Variants in ITFG1 observed in about 807,000 individuals in gnomAD.
ITFG1 encodes integrin alpha FG-GAP repeat containing 1.
Under a neutral mutation model 81.8 loss-of-function variants are expected in ITFG1, and 34 were observed. That is an observed-to-expected ratio of 0.42 (90% CI 0.32 to 0.55). The LOEUF (loss-of-function observed/expected upper bound fraction) is 0.55. Among genes scored for constraint, ITFG1 ranks in the 20% least tolerant of loss-of-function variants. The pLI is 0.17. For synonymous variants in ITFG1, 285 were observed against 270.6 expected (o/e 1.05, Z -0.52); for missense variants, 672 against 755.4 (o/e 0.89, Z 1.29).
chr16:47,222,416 T>TC (rs1965703732), intron 13 of ITFG1, among the ~76,000 whole-genome samples: 1 of 148,020 alleles, frequency 6.8e-6, no homozygotes, highest in East Asian at 1.9e-4. Context: ...TTTCTTTCTT[T>TC]TTTTTTTTTT....
At chr16:47,273,031 G>C (rs1445895949) in intron 10 of ITFG1, among the ~76,000 whole-genome samples, 1 of 150,988 alleles carries the variant, frequency 6.6e-6, no homozygotes, top group Admixed American at 6.6e-5. Context: ...TGTGCTGTAA[G>C]CAACTGTCTT....
chr16:47,267,324 A>G (rs1326396145), intron 10 of ITFG1, among the ~76,000 whole-genome samples: 1 of 152,234 alleles, frequency 6.6e-6, no homozygotes, highest in Non-Finnish European at 1.5e-5. Flanking sequence ...ACCAGAACAA[A>G]GAGAGTCATT....
intron 6 of ITFG1, among the ~76,000 whole-genome samples, chr16:47,408,074 A>C (rs761639535): frequency 2.6e-5 from 4 of 152,204 alleles, no homozygotes; most frequent in Non-Finnish European, 4.4e-5. Context: ...TTAAAAATCA[A>C]GTTTAAAATT....
intron 8 of ITFG1, among the ~76,000 whole-genome samples, chr16:47,346,044 T>A (rs1967850247): frequency 6.6e-6 from 1 of 152,176 alleles, no homozygotes; most frequent in South Asian, 2.1e-4. Context: ...TACAGAACTT[T>A]CCATCCAATG....
intron 10 of ITFG1, among the ~76,000 whole-genome samples, chr16:47,290,987 T>G (rs1427846202): frequency 7.1e-6 from 1 of 140,436 alleles, no homozygotes; most frequent in Non-Finnish European, 1.5e-5. Flanking sequence ...ATTATCTTTC[T>G]CATGTTTTCA....
At chr16:47,422,603 T>G (rs1968965370) in intron 6 of ITFG1, among the ~76,000 whole-genome samples, 1 of 152,202 alleles carries the variant, frequency 6.6e-6, no homozygotes. Flanking sequence ...AGAATTCGGC[T>G]GTGAGTCCGT....
chr16:47,394,579 A>G (rs766155783), intron 6 of ITFG1, among the ~76,000 whole-genome samples: 4 of 152,110 alleles, frequency 2.6e-5, no homozygotes, highest in Non-Finnish European at 5.9e-5. Context: ...AGAAAGGCCA[A>G]GTTTTCATTA....
intron 10 of ITFG1, among the ~76,000 whole-genome samples, chr16:47,265,103 C>CTATTATTATTAT (rs140472658): frequency 6.7e-6 from 1 of 150,080 alleles, no homozygotes; most frequent in African/African-American, 2.4e-5. Flanking sequence ...TTAATAACTG[C>CTATTATTATTAT]TATTATTATT....
intron 2 of ITFG1, among the ~76,000 whole-genome samples, chr16:47,457,292 C>A (rs528513545): frequency 1.4e-5 from 2 of 144,070 alleles, no homozygotes; most frequent in Non-Finnish European, 1.5e-5. Flanking sequence ...GCCTGGGCAA[C>A]AGAGTGAGAC....
rs145667515 is a variant in ITFG1 at position 47,237,261 on chromosome 16, G to C, written c.1374+704C>G. On this transcript the variant is annotated intron_variant, in intron 13 of 17. Coordinates refer to ENST00000320640, the MANE Select transcript of ITFG1 (RefSeq NM_030790.5). ...TGTTAAGAAAATGAGACAATAATGAGAACACCTAGTTTGTATTGCAGTTCC... is the reference window on the plus strand; with the variant it reads ...TGTTAAGAAAATGAGACAATAATGACAACACCTAGTTTGTATTGCAGTTCC... Among the ~76,000 whole-genome samples, 413 of 152,270 alleles carry C rather than the reference G, an allele frequency of 2.7e-3. 2 individuals are homozygous for C. The highest frequency in any genetic ancestry group is 4.3e-3 in the Non-Finnish European group (294 of 68,012).
At chr16:47,160,519 A>C (rs1297903106) in intron 16 of ITFG1, among the ~76,000 whole-genome samples, 1 of 152,162 alleles carries the variant, frequency 6.6e-6, no homozygotes, top group Admixed American at 6.6e-5. Flanking sequence ...CTCATGGTCC[A>C]GATTTTCTAG....
intron 6 of ITFG1, among the ~76,000 whole-genome samples, chr16:47,413,441 TC>T (rs1437527021): frequency 6.6e-6 from 1 of 152,182 alleles, no homozygotes; most frequent in East Asian, 1.9e-4. Flanking sequence ...ACACCTGTAA[TC>T]CTAGCACTTT....
intron 5 of ITFG1, among the ~76,000 whole-genome samples, chr16:47,436,666 G>A (rs1413947260): frequency 6.6e-6 from 1 of 152,042 alleles, no homozygotes; most frequent in Non-Finnish European, 1.5e-5. Context: ...GTTTATTACA[G>A]CAAGGATTCT....
At chr16:47,428,417 T>C (rs1969050897) in intron 6 of ITFG1, among the ~76,000 whole-genome samples, 1 of 152,158 alleles carries the variant, frequency 6.6e-6, no homozygotes. Flanking sequence ...TGATAACAAG[T>C]TTTAAAAGCC....
chr16:47,358,712 C>T (rs184976302), intron 8 of ITFG1, among the ~76,000 whole-genome samples: 18 of 152,130 alleles, frequency 1.2e-4, no homozygotes, highest in Non-Finnish European at 2.4e-4. Context: ...TTGAAATTTT[C>T]AATGTTAATA....
intron 6 of ITFG1, among the ~76,000 whole-genome samples, chr16:47,389,512 TAAG>T (rs1968504992): frequency 6.6e-6 from 1 of 152,114 alleles, no homozygotes; most frequent in Non-Finnish European, 1.5e-5. Context: ...AAACAGTAAC[TAAG>T]AAGGTTAATA....
chr16:47,155,050 C>T lies in ITFG1; in HGVS notation c.*669G>A, dbSNP rs1176563100. ...ACTCTGTGCTAGGCACCAAGCTAAG[C>T]ACTTCACATACATCATCCCATTTAA... On this transcript the variant is annotated 3_prime_UTR_variant, in exon 18 of 18. Transcript: ENST00000320640. 1 of 152,210 alleles carries T rather than the reference C, an allele frequency of 6.6e-6. No individual in the cohort carries two copies. Among genetic ancestry groups the T allele is most frequent in the Non-Finnish European group, 1.5e-5 (1 of 68,042 alleles). The allele number at this position is 152,210 out of a possible 1,614,324, so 9.4% of individuals were successfully genotyped here.
intron 13 of ITFG1, among the ~76,000 whole-genome samples, chr16:47,224,668 T>A (rs921367299): frequency 2.0e-5 from 3 of 152,178 alleles, no homozygotes; most frequent in African/African-American, 7.2e-5. Flanking sequence ...AAAAAAATTA[T>A]GACATGCAAA....
At chr16:47,364,369 T>C (rs1968148671) in intron 8 of ITFG1, among the ~76,000 whole-genome samples, 2 of 152,194 alleles carry the variant, frequency 1.3e-5, no homozygotes, top group Admixed American at 1.3e-4. Context: ...AAGCTACTAA[T>C]AATTTTGTTA....
Sources: allele counts gnomAD v4.1 joint callset (sites outside exome capture counted in the v4.1 genomes callset), GRCh38; gene constraint gnomAD v4.1.1; transcripts MANE v1.5; gene names NCBI Gene and HGNC (gene_info 2026-07-23, HGNC 2026-07-21).